GLDN: variants seen among roughly 807,000 people sequenced by gnomAD.
GLDN encodes the protein collomin.
In GLDN, 47 loss-of-function variants were observed where a neutral mutation model predicts 56.5. That is an observed-to-expected ratio of 0.83 (90% confidence interval 0.66 to 1.06). The LOEUF (loss-of-function observed/expected upper bound fraction) is 1.06, where lower values mean the gene tolerates loss of function less well. Among genes scored for constraint, GLDN ranks in the 50% least tolerant of loss-of-function variants. The pLI is 0.00. For missense variants in GLDN, 782 were observed against 714.3 expected (o/e 1.09, Z -1.08); for synonymous variants, 332 against 278.8 (o/e 1.19, Z -1.90).
intron 1 of GLDN, among the ~76,000 whole-genome samples, chr15:51,358,078 A>T (rs1468285780): frequency 6.6e-6 from 1 of 152,172 alleles, no homozygotes; most frequent in Non-Finnish European, 1.5e-5. Context: ...GGCTACTTTA[A>T]TTACCACCTT....
At chr15:51,345,618 T>C (rs186424420) in intron 1 of GLDN, among the ~76,000 whole-genome samples, 183 of 152,332 alleles carry the variant, frequency 1.2e-3, no homozygotes, top group African/African-American at 3.7e-3. Flanking sequence ...TAAAATGTAA[T>C]TGTGTCTCAC....
intron 1 of GLDN, among the ~76,000 whole-genome samples, chr15:51,364,535 G>C (rs2037364192): frequency 6.6e-6 from 1 of 152,120 alleles, no homozygotes; most frequent in African/African-American, 2.4e-5. Flanking sequence ...GCGAGTCACT[G>C]CACCTGGCCT....
Position 51,382,035 on chromosome 15 carries a change from A to G in GLDN, c.416-1401A>G, listed in dbSNP as rs531637966. On this transcript the variant is annotated intron_variant, in intron 2 of 9. Transcript: ENST00000335449. ...CAGGTCCTTCTTCAGCCTCATCTCTACACACTTGGCCAGTCCTCTAACTTC... is the reference window on the plus strand; with the variant it reads ...CAGGTCCTTCTTCAGCCTCATCTCTGCACACTTGGCCAGTCCTCTAACTTC... Among the ~76,000 whole-genome samples, 9 of 152,138 alleles carry G rather than the reference A, an allele frequency of 5.9e-5. No homozygotes were observed. In the South Asian group the frequency reaches 1.9e-3, roughly 32 times the overall value.
At chr15:51,351,064 AT>A in intron 1 of GLDN, 9 of 246,744 alleles carry the variant, frequency 3.6e-5, no homozygotes, top group East Asian at 2.0e-4. Flanking sequence ...TAAACTCAAG[AT>A]TTTTTTGTCT....
At chr15:51,344,716 C>T (rs1450142633) in intron 1 of GLDN, among the ~76,000 whole-genome samples, 6 of 152,182 alleles carry the variant, frequency 3.9e-5, no homozygotes, top group Non-Finnish European at 7.3e-5. Flanking sequence ...CTAATGTCAA[C>T]ATTTCAAAAA....
At chr15:51,365,538 T>C (rs2037383903) in intron 1 of GLDN, among the ~76,000 whole-genome samples, 1 of 151,760 alleles carries the variant, frequency 6.6e-6, no homozygotes, top group Non-Finnish European at 1.5e-5. Flanking sequence ...TTATCATCAT[T>C]ATCATTATTC....
At chr15:51,344,873 TA>T (rs1486180128) in intron 1 of GLDN, among the ~76,000 whole-genome samples, 1 of 152,226 alleles carries the variant, frequency 6.6e-6, no homozygotes, top group Non-Finnish European at 1.5e-5. Flanking sequence ...TTGGCAGCTG[TA>T]AATGACTTCA....
intron 1 of GLDN, among the ~76,000 whole-genome samples, chr15:51,347,560 A>T (rs1007102935): frequency 5.9e-5 from 9 of 152,332 alleles, no homozygotes; most frequent in African/African-American, 2.2e-4. Flanking sequence ...AAACTACAAA[A>T]GTTTGACAAC....
At chr15:51,380,741 T>C (rs1403492918) in intron 2 of GLDN, among the ~76,000 whole-genome samples, 3 of 152,094 alleles carry the variant, frequency 2.0e-5, no homozygotes, top group African/African-American at 7.2e-5. Flanking sequence ...CTTCTCTCAC[T>C]TGCCTCTCCC....
Position 51,404,362 on chromosome 15 carries a change from A to G in GLDN, c.1264A>G (p.Lys422Glu), listed in dbSNP as rs1430327786. ...TCGAAAATACCTTTTTGCAAATTCCAAAACTTACTTCAATCTAGCTGTAGA... is the reference window on the plus strand; with the variant it reads ...TCGAAAATACCTTTTTGCAAATTCCGAAACTTACTTCAATCTAGCTGTAGA... Reference protein sequence around the residue: ...FDRKYLFANSKTYFNLAVDEK... With the variant: ...FDRKYLFANSETYFNLAVDEK... The change falls in exon 10 of 10, where the codon AAA becomes GAA. Residue 422 changes from lysine (K) to glutamate (E), a missense_variant. Coordinates refer to ENST00000335449, the MANE Select transcript of GLDN (RefSeq NM_181789.4). 2 of 1,613,974 alleles carry G rather than the reference A, an allele frequency of 1.2e-6. No homozygotes were observed. The highest frequency in any genetic ancestry group is 1.3e-5 in the African/African-American group (1 of 75,038).
chr15:51,341,881 G>T lies in GLDN; in HGVS notation c.197G>T (p.Arg66Leu), dbSNP rs552717675. Residue 66 changes from arginine (R) to leucine (L), a missense_variant, in exon 1 of 10, where the codon CGC (arginine) becomes CTC (leucine). Arg to Leu is a moderately radical substitution (Grantham distance 102). Transcript: ENST00000335449. The part of the protein sequence containing the change: ...GREQREDSAL[R>L]SFLAELSRAP... ...GAGCAGCGCGAGGACAGTGCCCTGC[G>T]CTCCTTCCTGGCCGAGTTGAGCCGC... 25 of 1,573,860 alleles carry T rather than the reference G, an allele frequency of 1.6e-5. 1 individual carries two copies. The South Asian group carries it at 2.0e-4, about 13-fold the overall frequency.
At chr15:51,402,780 G>A (rs1249848447) in intron 9 of GLDN, among the ~76,000 whole-genome samples, 4 of 152,274 alleles carry the variant, frequency 2.6e-5, no homozygotes, top group South Asian at 4.1e-4. Flanking sequence ...CAGACACATC[G>A]GACACTGGCG....
In GLDN at chr15:51,400,254, G is replaced by C. The variant is rs1249655214; in HGVS notation, c.880G>C (p.Glu294Gln). 7 of 1,614,066 alleles carry C rather than the reference G, an allele frequency of 4.3e-6. No homozygotes were observed. The highest frequency in any genetic ancestry group is 1.3e-5 in the African/African-American group (1 of 74,932). Residue 294 changes from glutamate (E) to glutamine (Q), a missense_variant, in exon 7 of 10, where the codon GAA becomes CAA. Transcript: ENST00000335449. Reference sequence around the variant, plus strand: ...TGGAAAAGCTGATGAGAAAGCCAGTGAACACCATTCCCCACAAGCAGGTAT... The same window carrying C: ...TGGAAAAGCTGATGAGAAAGCCAGTCAACACCATTCCCCACAAGCAGGTAT... ...LVGKADEKAS[E>Q]HHSPQAESMI...
chr15:51,397,358 T>A, intron 5 of GLDN, 112 bp from the exon 6 acceptor site: 2 of 75,534 alleles, frequency 2.6e-5, no homozygotes, highest in Non-Finnish European at 5.3e-5. Context: ...CTCCCTCCCC[T>A]TTCCTTCCCT....
chr15:51,380,081 G>A (rs1292468801), intron 2 of GLDN, among the ~76,000 whole-genome samples: 1 of 152,170 alleles, frequency 6.6e-6, no homozygotes, highest in African/African-American at 2.4e-5. Flanking sequence ...TACTGATGGG[G>A]CAAGGAGTAC....
intron 1 of GLDN, among the ~76,000 whole-genome samples, chr15:51,377,027 A>G (rs1228684041): frequency 6.6e-6 from 1 of 152,252 alleles, no homozygotes; most frequent in Non-Finnish European, 1.5e-5. Flanking sequence ...GAAACTTTTT[A>G]AAAAGATTTT....
intron 1 of GLDN, among the ~76,000 whole-genome samples, chr15:51,374,494 A>C (rs1185374416): frequency 1.3e-5 from 2 of 152,236 alleles, no homozygotes; most frequent in Admixed American, 6.5e-5. Flanking sequence ...CCTGGAGTTC[A>C]GTCCCATTTC....
At chr15:51,343,705 A>T (rs1176280550) in intron 1 of GLDN, among the ~76,000 whole-genome samples, 1 of 152,096 alleles carries the variant, frequency 6.6e-6, no homozygotes, top group Non-Finnish European at 1.5e-5. Context: ...GTATGTTTTG[A>T]CCTTTTAGAG....
chr15:51,412,250 C>A (rs959370379), downstream of GLDN, among the ~76,000 whole-genome samples: 1 of 152,190 alleles, frequency 6.6e-6, no homozygotes, highest in Non-Finnish European at 1.5e-5. Context: ...CACTAGAGTT[C>A]ATGCTTTTAG....
Sources: allele counts gnomAD v4.1 joint callset (sites outside exome capture counted in the v4.1 genomes callset), GRCh38; gene constraint gnomAD v4.1.1; transcripts MANE v1.5; gene names NCBI Gene and HGNC (gene_info 2026-07-23, HGNC 2026-07-21).